Variants in RAB11FIP4 observed in about 807,000 individuals in gnomAD.
RAB11FIP4 encodes rab11 family-interacting protein 4.
In RAB11FIP4, 23 loss-of-function variants were observed where a neutral mutation model predicts 74.3. That is an observed-to-expected ratio of 0.31 (90% CI 0.22 to 0.44). The LOEUF is 0.44. Ranked by LOEUF, RAB11FIP4 falls within the 20% of genes least tolerant of loss-of-function variation. The probability of loss-of-function intolerance (pLI) is 1.00; values close to 1 mark genes in which losing one functional copy is unlikely to be tolerated. For missense variants in RAB11FIP4, 630 were observed against 863.9 expected, an observed-to-expected ratio of 0.73 and a Z score of 3.39; for synonymous variants, 360 against 359.9, an observed-to-expected ratio of 1.00 and a Z score of 0.00.
intron 3 of RAB11FIP4, among the ~76,000 whole-genome samples, chr17:31,437,588 G>A (rs1051239749): frequency 6.6e-6 from 1 of 152,188 alleles, no homozygotes; most frequent in East Asian, 1.9e-4. Context: ...GATGGCAGGC[G>A]CTCCATCCCT....
chr17:31,487,798 C>T (rs1032227473), intron 3 of RAB11FIP4, among the ~76,000 whole-genome samples: 2 of 152,054 alleles, frequency 1.3e-5, no homozygotes, highest in African/African-American at 2.4e-5. Context: ...CCAGCCAGGG[C>T]TGCCCTGAGC....
At chr17:31,428,384 C>T (rs540749751) in intron 1 of RAB11FIP4, among the ~76,000 whole-genome samples, 1 of 152,260 alleles carries the variant, frequency 6.6e-6, no homozygotes, top group East Asian at 1.9e-4. Context: ...CCTGTGATGG[C>T]GTGAACACTG....
At chr17:31,409,360 T>C (rs776261146) in intron 1 of RAB11FIP4, among the ~76,000 whole-genome samples, 1 of 152,204 alleles carries the variant, frequency 6.6e-6, no homozygotes, top group Non-Finnish European at 1.5e-5. Context: ...TCCCAGCATC[T>C]ATTAAATGTT....
intron 1 of RAB11FIP4, among the ~76,000 whole-genome samples, chr17:31,394,944 G>A (rs931810539): frequency 3.6e-5 from 5 of 139,144 alleles, no homozygotes; most frequent in South Asian, 5.4e-4. Context: ...GGGGCGGGGG[G>A]GGGGGGCTCC....
chr17:31,464,132 C>T (rs2071661042), intron 3 of RAB11FIP4, among the ~76,000 whole-genome samples: 2 of 151,970 alleles, frequency 1.3e-5, no homozygotes, highest in Non-Finnish European at 2.9e-5. Flanking sequence ...CCATTTGTTT[C>T]TCCTGTGCCA....
rs201559368 is a variant in RAB11FIP4, at chr17:31,482,590, G to GA, written c.337-35052dup. Reference sequence around the variant, plus strand: ...TGGGCGACAGAGGGAGACTCTAAAAGAAAAAAAAAGAAAAAAAAAAGAAAA... The same window carrying GA: ...TGGGCGACAGAGGGAGACTCTAAAAGAAAAAAAAAAGAAAAAAAAAAGAAAA... On this transcript the variant is annotated intron_variant, in intron 3 of 14. Transcript: ENST00000621161. Among the ~76,000 whole-genome samples the GA allele has an allele frequency of 9.5e-3, 1,284 of 135,138 alleles. 29 individuals carry two copies. Among genetic ancestry groups the GA allele is most frequent in the East Asian group, 0.086 (414 of 4,802 alleles). 88.7% of individuals were successfully genotyped at this position (135,138 alleles called of 152,430 possible). A position where few individuals can be genotyped will look rare whatever the true frequency, so the allele number is the denominator to read the frequency against.
chr17:31,418,462 G>GT (rs1837939263), intron 1 of RAB11FIP4, among the ~76,000 whole-genome samples: 3 of 55,442 alleles, frequency 5.4e-5, no homozygotes, highest in African/African-American at 2.1e-4. Context: ...CAGTTCCCTT[G>GT]ATTTTTTTTT....
At chr17:31,418,463 A>ATTT (rs71142049) in intron 1 of RAB11FIP4, among the ~76,000 whole-genome samples, 5,699 of 134,170 alleles carry the variant, frequency 0.042, 345 homozygotes, top group African/African-American at 0.11. Context: ...AGTTCCCTTG[A>ATTT]TTTTTTTTTT....
At chr17:31,449,189 G>C (rs1279029297) in intron 3 of RAB11FIP4, among the ~76,000 whole-genome samples, 1 of 152,022 alleles carries the variant, frequency 6.6e-6, no homozygotes, top group African/African-American at 2.4e-5. Flanking sequence ...GCATGACCCT[G>C]CTCTGACACA....
At position 31,521,924 on chromosome 17, in the gene RAB11FIP4, G is replaced by C; in HGVS notation, c.768G>C (p.Gln256His). 6.2e-7 allele frequency: 1 copy of C among 1,614,206 alleles called. No individual in the cohort carries two copies. The highest frequency in any genetic ancestry group is 8.5e-7 in the Non-Finnish European group (1 of 1,180,040). ...LGSSVSSSAG[Q>H]TPRKMRHVYN... ...TTCCCTCATGAATCAGTGCGGGGCA[G>C]ACGCCTAGGAAAATGCGGCACGTGT... The change falls in exon 6 of 15, where the codon CAG becomes CAC. Residue 256 changes from glutamine (Q) to histidine (H), a missense_variant. Coordinates refer to ENST00000621161, the MANE Select transcript of RAB11FIP4 (RefSeq NM_032932.6).
At chr17:31,520,169 C>T (rs1175637043) in intron 4 of RAB11FIP4, among the ~76,000 whole-genome samples, 1 of 151,040 alleles carries the variant, frequency 6.6e-6, no homozygotes, top group East Asian at 1.9e-4. Flanking sequence ...ATTTACATTG[C>T]ATTAGGTATG....
intron 3 of RAB11FIP4, among the ~76,000 whole-genome samples, chr17:31,480,285 G>A (rs529299893): frequency 1.8e-4 from 28 of 152,168 alleles, no homozygotes; most frequent in African/African-American, 6.7e-4. Context: ...GAGGAGGAGC[G>A]AGAACATTGT....
chr17:31,498,575 A>G lies in RAB11FIP4; in HGVS notation c.337-19076A>G, dbSNP rs2072160299. Among the ~76,000 whole-genome samples, 4 of 152,328 alleles carry G rather than the reference A, an allele frequency of 2.6e-5. No individual in the cohort carries two copies. The South Asian group carries it at 8.3e-4, about 32-fold the overall frequency. ...GGGCGGGTCACGTGGAGCCTTGGCC[A>G]TTGGCTGTGGGTAAACATCGGTGCT... is the stretch of plus-strand genomic sequence containing the variant. On this transcript the variant is annotated intron_variant, in intron 3 of 14. Coordinates refer to ENST00000621161, the MANE Select transcript of RAB11FIP4 (RefSeq NM_032932.6).
At chr17:31,457,905 C>G (rs1295757129) in intron 3 of RAB11FIP4, among the ~76,000 whole-genome samples, 2 of 152,208 alleles carry the variant, frequency 1.3e-5, no homozygotes, top group African/African-American at 2.4e-5. Context: ...CCATCTCTCT[C>G]TGTCCTGAAG....
In RAB11FIP4 at chr17:31,501,822, T is replaced by A. The variant is rs751098935; in HGVS notation, c.337-15829T>A. ...CGCACCCAGCCCATCCCACGCAATT[T>A]ATTAAGTACTATGCTGAAAGTGAAA... is the stretch of plus-strand genomic sequence containing the variant. On this transcript the variant is annotated intron_variant, in intron 3 of 14. Coordinates refer to ENST00000621161, the MANE Select transcript of RAB11FIP4 (RefSeq NM_032932.6). 3.0e-5 allele frequency: 5 copies of A among 167,682 alleles called. 1 individual carries two copies. In the South Asian group the frequency reaches 5.7e-4, roughly 19 times the overall value. The allele number at this position is 167,682 out of a possible 1,614,324, so 10.4% of individuals were successfully genotyped here.
At chr17:31,492,887 AC>A (rs2072037961) in intron 3 of RAB11FIP4, among the ~76,000 whole-genome samples, 1 of 151,660 alleles carries the variant, frequency 6.6e-6, no homozygotes, top group Non-Finnish European at 1.5e-5. Context: ...GATTCTCAGA[AC>A]CCCCCTGAGC....
intron 3 of RAB11FIP4, among the ~76,000 whole-genome samples, chr17:31,481,444 G>T (rs2071848185): frequency 1.3e-5 from 2 of 152,170 alleles, no homozygotes; most frequent in Non-Finnish European, 2.9e-5. Flanking sequence ...TTCTAGCTGA[G>T]TTAATAGCCA....
At chr17:31,475,846 G>C (rs1370896833) in intron 3 of RAB11FIP4, among the ~76,000 whole-genome samples, 2 of 151,086 alleles carry the variant, frequency 1.3e-5, no homozygotes, top group Non-Finnish European at 2.9e-5. Flanking sequence ...GCCCCCAAAG[G>C]CTGTCTAGTG....
intron 3 of RAB11FIP4, among the ~76,000 whole-genome samples, chr17:31,487,741 G>A (rs868622232): frequency 1.3e-5 from 2 of 152,224 alleles, no homozygotes; most frequent in Admixed American, 6.5e-5. Context: ...AGAGACTACA[G>A]CGCCTACCTG....
Sources: allele counts gnomAD v4.1 joint callset (sites outside exome capture counted in the v4.1 genomes callset), GRCh38; gene constraint gnomAD v4.1.1; transcripts MANE v1.5; gene names NCBI Gene and HGNC (gene_info 2026-07-23, HGNC 2026-07-21).